RASSF3: variants seen among roughly 807,000 people sequenced by gnomAD.
RASSF3 encodes the protein ras association domain-containing protein 3.
In RASSF3, 19 loss-of-function variants were observed where a neutral mutation model predicts 19.9. That is an observed-to-expected ratio of 0.96 (90% CI 0.67 to 1.40). The LOEUF (loss-of-function observed/expected upper bound fraction) is 1.40, where lower values mean the gene tolerates loss of function less well. Among genes scored for constraint, RASSF3 ranks in the 40% most tolerant of loss-of-function variants. The pLI is 0.00. For missense variants in RASSF3, 306 were observed against 289.8 expected (o/e 1.06, Z -0.41); for synonymous variants, 110 against 104.2 (o/e 1.06, Z -0.34).
In RASSF3 at chr12:64,548,450, A is replaced by C. The variant is rs1249289007; in HGVS notation, c.294+6745A>C. Among the ~76,000 whole-genome samples the C allele has an allele frequency of 5.3e-5, 8 of 152,154 alleles. No individual in the cohort carries two copies. In the East Asian group the frequency reaches 1.5e-3, roughly 29 times the overall value. On this transcript the variant is annotated intron_variant, in intron 2 of 5. Coordinates refer to the RASSF3 transcript ENST00000637125. ...AGCTATCCTCCTGCCTTGGCCTCCC[A>C]AAGTGCCAGGATTATAGGCATGAGC...
chr12:64,611,254 C>T (rs1038140296), intron 1 of RASSF3, among the ~76,000 whole-genome samples: 1 of 152,192 alleles, frequency 6.6e-6, no homozygotes, highest in Non-Finnish European at 1.5e-5. Flanking sequence ...AGTGGGGGTC[C>T]AAGGGCACCG....
chr12:64,678,572 A>G (rs1872991823), intron 1 of RASSF3, among the ~76,000 whole-genome samples: 1 of 145,548 alleles, frequency 6.9e-6, no homozygotes, highest in African/African-American at 2.6e-5. Flanking sequence ...CATCTGTGCT[A>G]TTAATATTTG....
At chr12:64,521,121 A>G (rs1284640857) in intron 1 of RASSF3, among the ~76,000 whole-genome samples, 3 of 152,060 alleles carry the variant, frequency 2.0e-5, no homozygotes, top group Non-Finnish European at 4.4e-5. Context: ...TTGTGACCCC[A>G]CCTCACCCAG....
chr12:64,542,224 A>T (rs1333331777), downstream of RASSF3, among the ~76,000 whole-genome samples: 2 of 152,130 alleles, frequency 1.3e-5, no homozygotes, highest in East Asian at 3.9e-4. Flanking sequence ...GCCACTCAAG[A>T]GGCTGAGGCA....
chr12:64,683,090 A>G (rs1592468286), intron 1 of RASSF3, among the ~76,000 whole-genome samples: 1 of 152,172 alleles, frequency 6.6e-6, no homozygotes, highest in African/African-American at 2.4e-5. Flanking sequence ...AGGGGTGCTA[A>G]TTAGCATTAA....
At chr12:64,626,450 T>C (rs939311938) in intron 1 of RASSF3, among the ~76,000 whole-genome samples, 1 of 133,578 alleles carries the variant, frequency 7.5e-6, no homozygotes, top group Non-Finnish European at 1.5e-5. Flanking sequence ...ATCATGCCAC[T>C]GCACTCCAGC....
intron 1 of RASSF3, among the ~76,000 whole-genome samples, chr12:64,525,639 C>A (rs577736100): frequency 1.3e-5 from 2 of 152,242 alleles, no homozygotes; most frequent in Non-Finnish European, 2.9e-5. Context: ...GCCTTGGCTG[C>A]GGAATGGGAA....
In RASSF3 at chr12:64,603,163, CT is replaced by C. The variant is rs549257057; in HGVS notation, c.294+61468del. On this transcript the variant is annotated intron_variant, in intron 2 of 5. Coordinates refer to the RASSF3 transcript ENST00000637125. ...CAATTTATCTGTTTGGTTTCTTTAA[CT>C]TTTTTTTTTGTTGTTGTTGTTGTTT... 2.7e-3 allele frequency among the ~76,000 whole-genome samples: 403 copies of C among 149,890 alleles called. 4 individuals are homozygous for C. Among genetic ancestry groups the C allele is most frequent in the Non-Finnish European group, 4.9e-3 (333 of 67,470 alleles).
At chr12:64,565,373 T>C (rs1264867686) in intron 2 of RASSF3, among the ~76,000 whole-genome samples, 1 of 151,574 alleles carries the variant, frequency 6.6e-6, no homozygotes, top group Non-Finnish European at 1.5e-5. Flanking sequence ...GATCAGGAGT[T>C]CAAGACCAGG....
rs745542563 is a variant in RASSF3, at chr12:64,631,321, G to A, written c.111+20578G>A. On this transcript the variant is annotated intron_variant, in intron 1 of 4. Transcript: ENST00000542104. ...AGCCAAGAAGGCCTGGGGTGGAACT[G>A]TGTGGCAGTCTCTGGAGACCTTGAG... 2.0e-5 allele frequency among the ~76,000 whole-genome samples: 3 copies of A among 152,284 alleles called. No individual in the cohort carries two copies. In the East Asian group the frequency reaches 5.8e-4, roughly 29 times the overall value.
At chr12:64,565,513 G>A (rs1183026430) in intron 2 of RASSF3, among the ~76,000 whole-genome samples, 1 of 152,174 alleles carries the variant, frequency 6.6e-6, no homozygotes, top group Non-Finnish European at 1.5e-5. Flanking sequence ...AGGAGTTTGA[G>A]ACTAGCCCGG....
At chr12:64,661,189 A>G (rs1872343331) in intron 1 of RASSF3, among the ~76,000 whole-genome samples, 1 of 152,156 alleles carries the variant, frequency 6.6e-6, no homozygotes, top group African/African-American at 2.4e-5. Context: ...GCTTAGATAC[A>G]ATGATCTGAT....
upstream of RASSF3, among the ~76,000 whole-genome samples, chr12:64,609,765 A>T (rs1870269744): frequency 6.6e-6 from 1 of 151,972 alleles, no homozygotes; most frequent in Non-Finnish European, 1.5e-5. Flanking sequence ...ATTGATAAGC[A>T]CTCGATTGTT....
At chr12:64,524,218 T>TTTTA (rs59842662) in intron 1 of RASSF3, among the ~76,000 whole-genome samples, 14,424 of 137,724 alleles carry the variant, frequency 0.1, 822 homozygotes, top group East Asian at 0.13. Flanking sequence ...TGCCCGGCAA[T>TTTTA]TTTATTTATT....
chr12:64,575,082 A>G (rs1869574150), intron 2 of RASSF3, among the ~76,000 whole-genome samples: 1 of 152,214 alleles, frequency 6.6e-6, no homozygotes, highest in Non-Finnish European at 1.5e-5. Context: ...AAAAGAAATA[A>G]CAGAAATAAG....
At chr12:64,642,913 T>G (rs1440250773) in intron 1 of RASSF3, among the ~76,000 whole-genome samples, 2 of 151,512 alleles carry the variant, frequency 1.3e-5, no homozygotes, top group Non-Finnish European at 2.9e-5. Context: ...TTGCCCAAGC[T>G]GGAATGCAGT....
At chr12:64,651,663 T>G (rs1285503263) in intron 1 of RASSF3, among the ~76,000 whole-genome samples, 2 of 151,994 alleles carry the variant, frequency 1.3e-5, no homozygotes, top group Middle Eastern at 3.4e-3. Flanking sequence ...CCTGGCTGGT[T>G]GTTGTTGTTT....
At chr12:64,610,491 G>T, upstream of RASSF3, 1 of 294,566 alleles carries the variant, frequency 3.4e-6, no homozygotes. Flanking sequence ...GGCCGGGAGA[G>T]CCTGATTGAG....
At chr12:64,544,206 C>T (rs1422302633), downstream of RASSF3, among the ~76,000 whole-genome samples, 2 of 152,038 alleles carry the variant, frequency 1.3e-5, no homozygotes, top group Non-Finnish European at 2.9e-5. Flanking sequence ...AGGTCTGCAG[C>T]TTCACTCGTG....
Sources: allele counts gnomAD v4.1 joint callset (sites outside exome capture counted in the v4.1 genomes callset), GRCh38; gene constraint gnomAD v4.1.1; transcripts MANE v1.5; gene names NCBI Gene and HGNC (gene_info 2026-07-23, HGNC 2026-07-21).